Variants in LHFPL3 observed in about 807,000 individuals in gnomAD.
LHFPL3 encodes LHFPL tetraspan subfamily member 3.
A neutral mutation model predicts 19.3 loss-of-function variants in LHFPL3; 5 were observed. The ratio of observed to expected loss-of-function variants is 0.26; its 90% CI spans 0.14 to 0.54. The LOEUF (loss-of-function observed/expected upper bound fraction) is 0.54, where lower values mean the gene tolerates loss of function less well. Ranked by LOEUF, LHFPL3 falls within the 20% of genes least tolerant of loss-of-function variation. LHFPL3 has a pLI of 0.94. For missense variants in LHFPL3, 249 were observed against 307.4 expected (o/e 0.81, Z 1.42); for synonymous variants, 133 against 126.2 (o/e 1.05, Z -0.36).
intron 1 of LHFPL3, among the ~76,000 whole-genome samples, chr7:104,535,858 G>A (rs913727101): frequency 5.9e-5 from 9 of 152,184 alleles, no homozygotes; most frequent in African/African-American, 1.2e-4. Flanking sequence ...TGGATGCTAC[G>A]GGAAAAACAG....
chr7:104,658,161 A>G (rs1401955636), intron 1 of LHFPL3, among the ~76,000 whole-genome samples: 1 of 152,238 alleles, frequency 6.6e-6, no homozygotes, highest in Non-Finnish European at 1.5e-5. Flanking sequence ...TTGGTCAGAT[A>G]AGATTCATAT....
At chr7:104,685,139 G>T (rs938957756) in intron 1 of LHFPL3, among the ~76,000 whole-genome samples, 1 of 152,124 alleles carries the variant, frequency 6.6e-6, no homozygotes, top group Non-Finnish European at 1.5e-5. Flanking sequence ...ACGAGGTCAA[G>T]AGATGGAGAT....
chr7:104,605,373 G>T lies in LHFPL3; in HGVS notation c.446-131302G>T, dbSNP rs17139105. Among the ~76,000 whole-genome samples, 615 of 152,222 alleles carry T rather than the reference G, an allele frequency of 4.0e-3. 35 individuals carry two copies. In the East Asian group the frequency reaches 0.099, roughly 25 times the overall value. ...AGTGAAAAAAATGGTGATTTCCTTTGATTTCCAGTGACAGTGATAGACAGG... is the reference window on the plus strand; with the variant it reads ...AGTGAAAAAAATGGTGATTTCCTTTTATTTCCAGTGACAGTGATAGACAGG... On this transcript the variant is annotated intron_variant, in intron 1 of 2. Coordinates refer to ENST00000424859, the MANE Select transcript of LHFPL3 (RefSeq NM_199000.3).
chr7:104,712,367 G>T (rs910596979), intron 1 of LHFPL3, among the ~76,000 whole-genome samples: 6 of 152,216 alleles, frequency 3.9e-5, no homozygotes, highest in African/African-American at 1.4e-4. Flanking sequence ...GCCAACAGCT[G>T]TCTTTTTGTT....
intron 1 of LHFPL3, among the ~76,000 whole-genome samples, chr7:104,471,371 A>G (rs1792903479): frequency 1.3e-5 from 2 of 152,242 alleles, no homozygotes; most frequent in Non-Finnish European, 2.9e-5. Flanking sequence ...GTTGAAACAA[A>G]GCAAGGTGGC....
At chr7:104,726,533 C>G (rs1350678159) in intron 1 of LHFPL3, among the ~76,000 whole-genome samples, 1 of 152,102 alleles carries the variant, frequency 6.6e-6, no homozygotes, top group Non-Finnish European at 1.5e-5. Flanking sequence ...ACCCCTGTGT[C>G]TATGTGTTCA....
At chr7:104,869,586 A>C (rs1211888052) in intron 2 of LHFPL3, among the ~76,000 whole-genome samples, 1 of 152,028 alleles carries the variant, frequency 6.6e-6, no homozygotes, top group East Asian at 1.9e-4. Context: ...AAAAGTCAGG[A>C]AACAACAGGT....
chr7:104,694,389 G>A (rs190867606), intron 1 of LHFPL3, among the ~76,000 whole-genome samples: 95 of 152,316 alleles, frequency 6.2e-4, no homozygotes, highest in Non-Finnish European at 9.3e-4. Context: ...TGATGAGGAA[G>A]CTTTAAAACC....
intron 2 of LHFPL3, among the ~76,000 whole-genome samples, chr7:104,754,555 T>C (rs560313272): frequency 4.9e-4 from 75 of 152,354 alleles, no homozygotes; most frequent in African/African-American, 1.7e-3. Flanking sequence ...ATATAGACCA[T>C]GTTGTCCATC....
chr7:104,508,549 T>C (rs1793746119), intron 1 of LHFPL3, among the ~76,000 whole-genome samples: 1 of 151,382 alleles, frequency 6.6e-6, no homozygotes, highest in African/African-American at 2.4e-5. Flanking sequence ...GCACGGCACA[T>C]GTATACATAT....
chr7:104,417,710 T>G (rs1791649034), intron 1 of LHFPL3, among the ~76,000 whole-genome samples: 1 of 152,084 alleles, frequency 6.6e-6, no homozygotes, highest in Non-Finnish European at 1.5e-5. Flanking sequence ...GTTACATTAA[T>G]TCACAAAAAA....
intron 1 of LHFPL3, among the ~76,000 whole-genome samples, chr7:104,390,793 C>A: frequency 6.6e-6 from 1 of 152,156 alleles, no homozygotes; most frequent in Non-Finnish European, 1.5e-5. Context: ...AGTTTACAGC[C>A]CCACCAACAG....
chr7:104,485,931 T>C (rs1463020003), intron 1 of LHFPL3, among the ~76,000 whole-genome samples: 1 of 152,254 alleles, frequency 6.6e-6, no homozygotes, highest in African/African-American at 2.4e-5. Flanking sequence ...TGTTTTTGTT[T>C]GTTTATGTTA....
At chr7:104,741,344 A>G (rs1362030642) in intron 2 of LHFPL3, among the ~76,000 whole-genome samples, 1 of 152,062 alleles carries the variant, frequency 6.6e-6, no homozygotes, top group Non-Finnish European at 1.5e-5. Context: ...ATGTACTTTC[A>G]TGAAACAGAA....
At chr7:104,576,014 T>C (rs1790331129) in intron 1 of LHFPL3, among the ~76,000 whole-genome samples, 1 of 152,136 alleles carries the variant, frequency 6.6e-6, no homozygotes, top group South Asian at 2.1e-4. Context: ...AACCAAGTCT[T>C]TATATCCTTA....
intron 2 of LHFPL3, among the ~76,000 whole-genome samples, chr7:104,872,207 C>T (rs1471644515): frequency 6.6e-6 from 1 of 151,534 alleles, no homozygotes; most frequent in Non-Finnish European, 1.5e-5. Flanking sequence ...CGTGGTGGCA[C>T]ATGCTTGTAG....
intron 1 of LHFPL3, among the ~76,000 whole-genome samples, chr7:104,674,755 C>G (rs1792559693): frequency 6.6e-6 from 1 of 152,180 alleles, no homozygotes; most frequent in Non-Finnish European, 1.5e-5. Context: ...TGTAGTATTT[C>G]TATACTTCAG....
At chr7:104,469,518 A>C (rs934320706) in intron 1 of LHFPL3, among the ~76,000 whole-genome samples, 1 of 152,224 alleles carries the variant, frequency 6.6e-6, no homozygotes, top group Admixed American at 6.5e-5. Flanking sequence ...AACCAGGTTT[A>C]GCTAAATCAT....
chr7:104,422,869 A>G (rs565900452), intron 1 of LHFPL3, among the ~76,000 whole-genome samples: 1 of 152,238 alleles, frequency 6.6e-6, no homozygotes, highest in African/African-American at 2.4e-5. Flanking sequence ...AGATGGAATT[A>G]GCACCTGTCC....
Sources: gnomAD v4.1 joint callset for allele counts (sites outside exome capture counted in the v4.1 genomes callset) on GRCh38, gnomAD v4.1.1 for gene constraint, MANE v1.5 for transcripts, NCBI Gene and HGNC (gene_info 2026-07-23, HGNC 2026-07-21) for gene names.